Variants in SP3 observed in about 807,000 individuals in gnomAD.
SP3 encodes transcription factor Sp3.
A neutral mutation model predicts 70.3 loss-of-function variants in SP3; 10 were observed. The ratio of observed to expected loss-of-function variants is 0.14; its 90% CI spans 0.09 to 0.24. SP3 has a LOEUF of 0.24. Ranked by LOEUF, SP3 falls within the 10% of genes least tolerant of loss-of-function variation. The pLI is 1.00. For missense variants in SP3, 825 were observed against 914.6 expected, an observed-to-expected ratio of 0.90 and a Z score of 1.26; for synonymous variants, 402 against 333.5, an observed-to-expected ratio of 1.21 and a Z score of -2.24.
intron 4 of SP3, among the ~76,000 whole-genome samples, chr2:173,927,561 AGC>A (rs1689952320): frequency 1.3e-5 from 2 of 152,236 alleles, no homozygotes; most frequent in South Asian, 4.1e-4. Flanking sequence ...TACAGGAATG[AGC>A]CACCCCACCC....
In SP3 at chr2:173,955,848, CAGA is replaced by C. The variant is rs769097966; in HGVS notation, c.661_663del (p.Ser221del). ...TGTGGTATGAGATTCTGGATGTTAGCAGAAGGTGTTCCAGAGGCAAGTAAGGTT... is the reference window on the plus strand; with the variant it reads ...TGTGGTATGAGATTCTGGATGTTAGCAGGTGTTCCAGAGGCAAGTAAGGTT... On this transcript the variant is annotated inframe_deletion, in exon 4 of 7. Coordinates refer to ENST00000310015, the MANE Select transcript of SP3 (RefSeq NM_003111.5). The C allele has an allele frequency of 5.8e-5, 93 of 1,614,194 alleles. No individual in the cohort carries two copies. Among genetic ancestry groups the C allele is most frequent in the Non-Finnish European group, 7.3e-5 (86 of 1,180,026 alleles).
chr2:173,936,704 T>C (rs1055304899), intron 4 of SP3, among the ~76,000 whole-genome samples: 1 of 152,250 alleles, frequency 6.6e-6, no homozygotes, highest in Non-Finnish European at 1.5e-5. Flanking sequence ...TCAGAAACTT[T>C]AACATGCTAA....
chr2:173,927,416 A>AC (rs1559095802), intron 4 of SP3, among the ~76,000 whole-genome samples: 1 of 151,856 alleles, frequency 6.6e-6, no homozygotes, highest in African/African-American at 2.4e-5. Flanking sequence ...AGCTGGGACT[A>AC]CAAGTGTCCG....
At chr2:173,940,290 T>C (rs945112015) in intron 4 of SP3, among the ~76,000 whole-genome samples, 3 of 152,332 alleles carry the variant, frequency 2.0e-5, no homozygotes, top group African/African-American at 7.2e-5. Flanking sequence ...GGTGAAACTG[T>C]TCCACTCACT....
intron 3 of SP3, among the ~76,000 whole-genome samples, chr2:173,962,193 A>G (rs1691111077): frequency 6.6e-6 from 1 of 152,160 alleles, no homozygotes; most frequent in Non-Finnish European, 1.5e-5. Flanking sequence ...CCTCAGACTC[A>G]CATATGTATG....
intron 4 of SP3, among the ~76,000 whole-genome samples, chr2:173,929,494 TCACA>T (rs887485569): frequency 2.6e-5 from 4 of 152,122 alleles, no homozygotes; most frequent in Non-Finnish European, 5.9e-5. Context: ...CTACTTCCCT[TCACA>T]CACACAATAC....
chr2:173,955,538 G>C lies in SP3; in HGVS notation c.974C>G (p.Thr325Ser). The change falls in exon 4 of 7, where the codon ACT (threonine) becomes AGT (serine). Residue 325 changes from threonine to serine, a missense_variant. Coordinates refer to ENST00000310015, the MANE Select transcript of SP3 (RefSeq NM_003111.5). ...RVSPDINETN[T>S]DTDLFVPTSS... ...TGTTGGCACAAATAAATCTGTATCA[G>C]TATTAGTTTCATTAATATCAGGAGA... is the stretch of plus-strand genomic sequence containing the variant. The C allele has an allele frequency of 6.2e-7, 1 of 1,614,062 alleles. No homozygotes were observed. Among genetic ancestry groups the C allele is most frequent in the Non-Finnish European group, 8.5e-7 (1 of 1,180,036 alleles).
At chr2:173,935,458 T>C (rs1690184352) in intron 4 of SP3, among the ~76,000 whole-genome samples, 1 of 152,246 alleles carries the variant, frequency 6.6e-6, no homozygotes, top group Non-Finnish European at 1.5e-5. Flanking sequence ...AACTTTACAA[T>C]GCCAAATGTC....
chr2:173,934,418 G>T lies in SP3; in HGVS notation c.1640-15633C>A, dbSNP rs139492354. On this transcript the variant is annotated intron_variant, in intron 4 of 6. Transcript: ENST00000310015. ...CTGTTGAAACAAGTATAGGCTGAAA[G>T]AAAATTAAACAGGAGTGAAAAAACC... 6.5e-3 allele frequency among the ~76,000 whole-genome samples: 991 copies of T among 152,140 alleles called. 15 individuals carry two copies. Among genetic ancestry groups the T allele is most frequent in the East Asian group, 0.037 (192 of 5,180 alleles).
At position 173,908,462 on chromosome 2, in the gene SP3, GA is replaced by G. The variant is rs1462523590; in HGVS notation, c.*1478del. On this transcript the variant is annotated 3_prime_UTR_variant, in exon 7 of 7. Transcript: ENST00000310015. ...TCTAAAAATAAAAAGCCAAGTTGAAGAAAAATAAACCACCAATTCTTACCCC... is the reference window on the plus strand; with the variant it reads ...TCTAAAAATAAAAAGCCAAGTTGAAGAAAATAAACCACCAATTCTTACCCC... 1 of 151,926 alleles carries G rather than the reference GA, an allele frequency of 6.6e-6. No homozygotes were observed. Among genetic ancestry groups the G allele is most frequent in the African/African-American group, 2.4e-5 (1 of 41,250 alleles). The allele number at this position is 151,926 out of a possible 1,614,324, so 9.4% of individuals were successfully genotyped here.
Position 173,955,892 on chromosome 2 carries a change from A to G in SP3, c.620T>C (p.Ile207Thr). 1 of 1,614,174 alleles carries G rather than the reference A, an allele frequency of 6.2e-7. No individual in the cohort carries two copies. The highest frequency in any genetic ancestry group is 8.5e-7 in the Non-Finnish European group (1 of 1,180,020). Reference sequence around the variant, plus strand: ...AAGTAAGGTTTGATTAGAGCCAGGAATGATCTGAATTTGACTGCTTTCTTG... The same window carrying G: ...AAGTAAGGTTTGATTAGAGCCAGGAGTGATCTGAATTTGACTGCTTTCTTG... ...INQESSQIQI[I>T]PGSNQTLLAS... Residue 207 changes from isoleucine (I) to threonine (T), a missense_variant, in exon 4 of 7, where the codon ATT (isoleucine) becomes ACT (threonine). Ile to Thr is a moderately conservative substitution (Grantham distance 89). Around this residue, in one of 4 missense-constraint regions of SP3, gnomAD observed 678 missense variants for 651.6 expected, o/e 1.04. Transcript: ENST00000310015.
chr2:173,963,599 A>C (rs1691157290), intron 3 of SP3, among the ~76,000 whole-genome samples, 162 bp downstream of exon 3: 1 of 152,136 alleles, frequency 6.6e-6, no homozygotes, highest in South Asian at 2.1e-4. Context: ...CTTCAGATCC[A>C]AACCGGGATG....
intron 3 of SP3, among the ~76,000 whole-genome samples, chr2:173,957,019 T>C (rs900866695): frequency 2.0e-5 from 3 of 152,166 alleles, no homozygotes; most frequent in Admixed American, 1.3e-4. Flanking sequence ...GGAATCTCAA[T>C]GGGACCATAA....
chr2:173,946,424 A>G (rs1248579662), intron 4 of SP3, among the ~76,000 whole-genome samples: 2 of 152,008 alleles, frequency 1.3e-5, no homozygotes, highest in African/African-American at 2.4e-5. Context: ...AACTAAAGGC[A>G]TGTACCACCA....
chr2:173,911,285 C>A (rs1689475916), intron 6 of SP3, among the ~76,000 whole-genome samples: 1 of 152,142 alleles, frequency 6.6e-6, no homozygotes, highest in South Asian at 2.1e-4. Flanking sequence ...TGCTCCACTG[C>A]CTAATTTACA....
At chr2:173,953,779 C>CAAACA (rs1559107560) in intron 4 of SP3, among the ~76,000 whole-genome samples, 11 of 108,658 alleles carry the variant, frequency 1.0e-4, no homozygotes, top group African/African-American at 5.3e-4. Context: ...AAAAACAAAA[C>CAAACA]AAAACAAAAA....
At chr2:173,915,136 TG>T in intron 5 of SP3, 1 of 152,268 alleles carries the variant, frequency 6.6e-6, no homozygotes, top group East Asian at 1.9e-4. Context: ...GCAACAGATC[TG>T]GGTTCTCAAA....
intron 4 of SP3, among the ~76,000 whole-genome samples, chr2:173,926,722 C>T (rs1689920145): frequency 6.6e-6 from 1 of 152,070 alleles, no homozygotes; most frequent in Admixed American, 6.6e-5. Flanking sequence ...AAAATGGCTT[C>T]CACATTAATT....
chr2:173,949,692 CT>C (rs1690659791), intron 4 of SP3, among the ~76,000 whole-genome samples: 1 of 151,502 alleles, frequency 6.6e-6, no homozygotes, highest in Non-Finnish European at 1.5e-5. Context: ...TTTTATAAGG[CT>C]TCTATTTTCT....
Sources: allele counts gnomAD v4.1 joint callset (sites outside exome capture counted in the v4.1 genomes callset), GRCh38; gene constraint gnomAD v4.1.1; regional missense constraint gnomAD v4.1.1; transcripts MANE v1.5; gene names NCBI Gene and HGNC (gene_info 2026-07-23, HGNC 2026-07-21).